Variants in PRKCH observed in about 807,000 individuals in gnomAD.
The protein encoded by PRKCH is protein kinase C eta.
PRKCH carries 28 observed loss-of-function variants against 82.5 expected under a neutral mutation model. The ratio of observed to expected loss-of-function variants is 0.34; its 90% CI spans 0.25 to 0.47. The LOEUF is 0.47. Among genes scored for constraint, PRKCH ranks in the 20% least tolerant of loss-of-function variants. The probability of loss-of-function intolerance (pLI) is 1.00; values close to 1 mark genes in which losing one functional copy is unlikely to be tolerated. For synonymous variants in PRKCH, 322 were observed against 327.4 expected, an observed-to-expected ratio of 0.98 and a Z score of 0.18; for missense variants, 705 against 881.8, an observed-to-expected ratio of 0.80 and a Z score of 2.54.
chr14:61,497,486 A>C (rs781088938), intron 10 of PRKCH, among the ~76,000 whole-genome samples: 2 of 152,174 alleles, frequency 1.3e-5, no homozygotes, highest in African/African-American at 2.4e-5. Flanking sequence ...AGTGACGGGT[A>C]TTGGTGCCAT....
rs1318144736 is a variant in PRKCH, at chr14:61,280,817, A to G, written c.-19+93149A>G. 2 of 1,564,966 alleles carry G rather than the reference A, an allele frequency of 1.3e-6. No homozygotes were observed. Among genetic ancestry groups the G allele is most frequent in the African/African-American group, 2.7e-5 (2 of 73,844 alleles). On this transcript the variant is annotated intron_variant, in intron 1 of 3. Coordinates refer to the PRKCH transcript ENST00000555185. The surrounding 1 kb of genome is among the most constrained non-coding windows in gnomAD (Gnocchi z 5.0). ...TGGTAGAAGTTGGTCAGCTCGTAGT[A>G]GAGGTACACTGGGCCCTGGAAGAGC... is the stretch of plus-strand genomic sequence containing the variant.
At chr14:61,250,753 A>G (rs1193757066) in intron 1 of PRKCH, among the ~76,000 whole-genome samples, 1 of 152,156 alleles carries the variant, frequency 6.6e-6, no homozygotes, top group Non-Finnish European at 1.5e-5. Flanking sequence ...TCGGGTACCA[A>G]TGTAGGTTCA....
At chr14:61,400,815 C>G (rs1186735788) in intron 2 of PRKCH, among the ~76,000 whole-genome samples, 1 of 152,094 alleles carries the variant, frequency 6.6e-6, no homozygotes, top group Non-Finnish European at 1.5e-5. Context: ...TGTTGTAATT[C>G]TCAGTATGCA....
intron 1 of PRKCH, among the ~76,000 whole-genome samples, chr14:61,370,893 C>T (rs190333361): frequency 1.1e-3 from 172 of 152,084 alleles, no homozygotes; most frequent in Middle Eastern, 3.4e-3. Context: ...TGGAAACTAG[C>T]GCAAAATGGG....
intron 1 of PRKCH, among the ~76,000 whole-genome samples, chr14:61,371,789 A>T (rs138404520): frequency 1.4e-4 from 22 of 152,178 alleles, no homozygotes; most frequent in Middle Eastern, 6.8e-3. Flanking sequence ...CACTGTACAT[A>T]GCTCACACTT....
intron 1 of PRKCH, among the ~76,000 whole-genome samples, chr14:61,214,437 TA>T (rs2140048379): frequency 6.6e-6 from 1 of 152,240 alleles, no homozygotes; most frequent in East Asian, 1.9e-4. Flanking sequence ...TACAATCTCC[TA>T]AAATTAGGTT....
Position 61,375,802 on chromosome 14 carries a change from C to T in PRKCH, c.364-15423C>T, listed in dbSNP as rs940535917. Among the ~76,000 whole-genome samples, 4 of 151,922 alleles carry T rather than the reference C, an allele frequency of 2.6e-5. No homozygotes were observed. In the East Asian group the frequency reaches 5.8e-4, roughly 22 times the overall value. ...GTGAACACAGAGCCAAACCATACCA[C>T]GGGCAAAAATTGATTTTATAAGAAG... On this transcript the variant is annotated intron_variant, in intron 1 of 13. Transcript: ENST00000332981.
chr14:61,270,005 T>A (rs1457218179), intron 1 of PRKCH, among the ~76,000 whole-genome samples: 6 of 152,198 alleles, frequency 3.9e-5, no homozygotes, highest in Admixed American at 3.9e-4. Flanking sequence ...TGCAAGACTC[T>A]ATGACATGCA....
intron 1 of PRKCH, among the ~76,000 whole-genome samples, chr14:61,232,747 C>A (rs1347573944): frequency 1.3e-5 from 2 of 152,120 alleles, no homozygotes; most frequent in Non-Finnish European, 2.9e-5. Context: ...AAATCATTGA[C>A]CATTGGTGAT....
intron 1 of PRKCH, among the ~76,000 whole-genome samples, chr14:61,262,557 G>C (rs2045058797): frequency 6.6e-6 from 1 of 152,076 alleles, no homozygotes. Flanking sequence ...AGTGGGAAGG[G>C]GCACAAAGAA....
intron 1 of PRKCH, among the ~76,000 whole-genome samples, chr14:61,244,746 T>C (rs2044866254): frequency 6.6e-6 from 1 of 152,234 alleles, no homozygotes; most frequent in South Asian, 2.1e-4. Flanking sequence ...ACATCAGGAA[T>C]TGAGGCTTTA....
Position 61,505,395 on chromosome 14 carries a change from C to CTTTTTTTTTTTTTTTTTTTTTTTTTT in PRKCH, c.1433+19743_1433+19768dup, listed in dbSNP as rs60304150. The stretch of plus-strand genomic sequence containing the variant: ...TTTGTCTTTTCTTTTCTTTTCTTTT[C>CTTTTTTTTTTTTTTTTTTTTTTTTTT]TTTTTTTTTTTTTTTTTTTTTTTTT... On this transcript the variant is annotated intron_variant, in intron 10 of 13. Transcript: ENST00000332981. Among the ~76,000 whole-genome samples the CTTTTTTTTTTTTTTTTTTTTTTTTTT allele has an allele frequency of 7.2e-5, 4 of 55,764 alleles. 1 individual carries two copies. The highest frequency in any genetic ancestry group is 1.3e-4 in the Non-Finnish European group (4 of 31,366). 36.6% of individuals were successfully genotyped at this position (55,764 alleles called of 152,430 possible).
Position 61,273,732 on chromosome 14 carries a change from T to C in PRKCH, c.-19+86064T>C, listed in dbSNP as rs576457711. The stretch of plus-strand genomic sequence containing the variant: ...AATATACGTGCATTCTCAGCTGTCT[T>C]TAAGATCTTCAGTGTTTAGAGTGCC... On this transcript the variant is annotated intron_variant, in intron 1 of 3. Transcript: ENST00000555185. Among the ~76,000 whole-genome samples, 7 of 152,316 alleles carry C rather than the reference T, an allele frequency of 4.6e-5. No homozygotes were observed. The East Asian group carries it at 1.3e-3, about 29-fold the overall frequency.
At chr14:61,328,866 G>A (rs1340202984) in intron 1 of PRKCH, among the ~76,000 whole-genome samples, 1 of 151,830 alleles carries the variant, frequency 6.6e-6, no homozygotes, top group Non-Finnish European at 1.5e-5. Context: ...CATGCCTCTA[G>A]TCCCAGCTAC....
intron 10 of PRKCH, among the ~76,000 whole-genome samples, chr14:61,502,743 G>A (rs1235102064): frequency 6.6e-6 from 1 of 152,120 alleles, no homozygotes; most frequent in African/African-American, 2.4e-5. Context: ...GAACAGATGG[G>A]AGCAGCCCCA....
chr14:61,469,281 CA>C (rs1885395017), intron 9 of PRKCH, among the ~76,000 whole-genome samples: 1 of 152,082 alleles, frequency 6.6e-6, no homozygotes, highest in Non-Finnish European at 1.5e-5. Context: ...AAGAGAAGAC[CA>C]ATACACATGG....
At chr14:61,534,744 A>G (rs915840874) in intron 12 of PRKCH, among the ~76,000 whole-genome samples, 11 of 152,118 alleles carry the variant, frequency 7.2e-5, no homozygotes, top group African/African-American at 1.2e-4. Context: ...GGGACTTTAC[A>G]TGTTAGAATG....
At chr14:61,190,450 T>TAA (rs2044399619) in intron 1 of PRKCH, among the ~76,000 whole-genome samples, 1 of 152,206 alleles carries the variant, frequency 6.6e-6, no homozygotes, top group Non-Finnish European at 1.5e-5. Flanking sequence ...GTCCATTCTC[T>TAA]AAACAGCAGT....
At chr14:61,350,872 G>A (rs2046065114) in intron 1 of PRKCH, among the ~76,000 whole-genome samples, 2 of 152,084 alleles carry the variant, frequency 1.3e-5, no homozygotes, top group South Asian at 4.1e-4. Context: ...AATATCCATG[G>A]TTGGCAAACA....
Sources: allele counts gnomAD v4.1 joint callset (sites outside exome capture counted in the v4.1 genomes callset), GRCh38; gene constraint gnomAD v4.1.1; non-coding constraint Gnocchi (gnomAD v3.1); transcripts MANE v1.5; gene names NCBI Gene and HGNC (gene_info 2026-07-23, HGNC 2026-07-21).